Variants in NTN4 observed in about 807,000 individuals in gnomAD.
NTN4 encodes netrin-4.
A neutral mutation model predicts 73.6 loss-of-function variants in NTN4; 32 were observed. The ratio of observed to expected loss-of-function variants is 0.44; its 90% CI spans 0.33 to 0.58. The LOEUF is 0.58. NTN4 is among the 20% of genes least tolerant of loss of function. The pLI, the probability that NTN4 is intolerant of heterozygous loss-of-function variation, is 0.04. For synonymous variants in NTN4, 258 were observed against 287.5 expected, an observed-to-expected ratio of 0.90 and a Z score of 1.04; for missense variants, 654 against 798.3, an observed-to-expected ratio of 0.82 and a Z score of 2.18.
In NTN4 at chr12:95,732,224, CTCTT is replaced by C. The variant is rs201299135; in HGVS notation, c.864+5638_864+5641del. On this transcript the variant is annotated intron_variant, in intron 3 of 9. Coordinates refer to ENST00000343702, the MANE Select transcript of NTN4 (RefSeq NM_021229.4). ...AGAGCTTTCTTTTCTCTCCCTTTCTCTCTTTCTTTCTTTCTCTGTCTTTCTTTCT... is the reference window on the plus strand; with the variant it reads ...AGAGCTTTCTTTTCTCTCCCTTTCTCTCTTTCTTTCTCTGTCTTTCTTTCT... Among the ~76,000 whole-genome samples the C allele has an allele frequency of 4.8e-3, 686 of 142,110 alleles. 5 individuals carry two copies. The highest frequency in any genetic ancestry group is 0.015 in the African/African-American group (594 of 40,640). The allele number at this position is 142,110 out of a possible 152,430, so 93.2% of individuals were successfully genotyped here.
At chr12:95,699,926 G>A (rs1230703554) in intron 5 of NTN4, among the ~76,000 whole-genome samples, 2 of 152,196 alleles carry the variant, frequency 1.3e-5, no homozygotes, top group African/African-American at 2.4e-5. Context: ...TATGGAGAAA[G>A]ACTATGTAAT....
intron 2 of NTN4, among the ~76,000 whole-genome samples, chr12:95,786,434 G>A (rs2079167924): frequency 6.6e-6 from 1 of 152,184 alleles, no homozygotes; most frequent in South Asian, 2.1e-4. Flanking sequence ...GAGCCCAGAA[G>A]AACCTTTGTA....
At chr12:95,766,419 T>A (rs1318231588) in intron 2 of NTN4, among the ~76,000 whole-genome samples, 1 of 152,236 alleles carries the variant, frequency 6.6e-6, no homozygotes, top group Non-Finnish European at 1.5e-5. Context: ...TCACTGTAGA[T>A]CATTCAGCCT....
At chr12:95,669,705 G>A (rs1479503092) in intron 8 of NTN4, among the ~76,000 whole-genome samples, 2 of 152,160 alleles carry the variant, frequency 1.3e-5, no homozygotes, top group African/African-American at 2.4e-5. Context: ...CAGTATTACT[G>A]TACGACAAAC....
At chr12:95,664,002 C>T (rs144692102) in intron 9 of NTN4, among the ~76,000 whole-genome samples, 2 of 152,194 alleles carry the variant, frequency 1.3e-5, no homozygotes, top group African/African-American at 4.8e-5. Flanking sequence ...GTCCTGTATT[C>T]AAAGCTCAGG....
chr12:95,721,101 G>A (rs1346409284), intron 3 of NTN4, among the ~76,000 whole-genome samples: 2 of 152,172 alleles, frequency 1.3e-5, no homozygotes, highest in African/African-American at 4.8e-5. Flanking sequence ...CCTAAACTAT[G>A]CCATTGTAAG....
chr12:95,790,519 G>T lies in NTN4; in HGVS notation c.-210C>A, dbSNP rs1055351656. 18 of 391,230 alleles carry T rather than the reference G, an allele frequency of 4.6e-5. No individual in the cohort carries two copies. The highest frequency in any genetic ancestry group is 7.7e-5 in the Non-Finnish European group (17 of 221,910). 24.2% of individuals were successfully genotyped at this position (391,230 alleles called of 1,614,324 possible). On this transcript the variant is annotated 5_prime_UTR_variant, in exon 1 of 10. Coordinates refer to ENST00000343702, the MANE Select transcript of NTN4 (RefSeq NM_021229.4). The surrounding 1 kb of genome is among the most constrained non-coding windows in gnomAD (Gnocchi z 6.5). ...GGAGGTGGGGTGACCCTCGCGCACCGGCCTGGCGGGTCCCGGGCACCTGGG... is the reference window on the plus strand; with the variant it reads ...GGAGGTGGGGTGACCCTCGCGCACCTGCCTGGCGGGTCCCGGGCACCTGGG...
intron 1 of NTN4, 62 bp from the exon 2 acceptor site, chr12:95,787,530 C>G: frequency 6.6e-7 from 1 of 1,525,168 alleles, no homozygotes; most frequent in Non-Finnish European, 8.9e-7. Flanking sequence ...TTTTGGCCAC[C>G]TAGTCCATCA....
rs148978239 is a variant in NTN4 at position 95,770,202 on chromosome 12, A to G, written c.585+16737T>C. ...AAAGAAAAATGGCCAGAAGCAACAA[A>G]TGGGAATGAGTAAGAAAGGTGGGAT... On this transcript the variant is annotated intron_variant, in intron 2 of 9. Coordinates refer to ENST00000343702, the MANE Select transcript of NTN4 (RefSeq NM_021229.4). Among the ~76,000 whole-genome samples, 40 of 152,322 alleles carry G rather than the reference A, an allele frequency of 2.6e-4. 1 individual carries two copies. Among genetic ancestry groups the G allele is most frequent in the African/African-American group, 9.1e-4 (38 of 41,572 alleles).
At position 95,693,914 on chromosome 12, in the gene NTN4, A is replaced by G. The variant is rs949155275; in HGVS notation, c.1181-10203T>C. Among the ~76,000 whole-genome samples, 57 of 152,044 alleles carry G rather than the reference A, an allele frequency of 3.7e-4. 2 individuals are homozygous for G. Among genetic ancestry groups the G allele is most frequent in the Non-Finnish European group, 1.5e-5 (1 of 68,004 alleles). The stretch of plus-strand genomic sequence containing the variant: ...ATAAAAAGTACACAAACACAAGCAC[A>G]AGACAGGAACATAATGGAACCATTA... On this transcript the variant is annotated intron_variant, in intron 5 of 9. Transcript: ENST00000343702.
At chr12:95,754,953 G>A (rs932606447) in intron 2 of NTN4, among the ~76,000 whole-genome samples, 3 of 152,138 alleles carry the variant, frequency 2.0e-5, no homozygotes, top group Non-Finnish European at 2.9e-5. Flanking sequence ...ACAGCATCTG[G>A]TTAATTCAGT....
intron 3 of NTN4, among the ~76,000 whole-genome samples, chr12:95,716,362 G>C (rs193089063): frequency 7.2e-4 from 109 of 152,272 alleles, no homozygotes; most frequent in African/African-American, 2.5e-3. Context: ...TAAAGGAATA[G>C]TCAGGGACAA....
intron 5 of NTN4, among the ~76,000 whole-genome samples, chr12:95,688,277 A>C (rs1474938981): frequency 6.6e-6 from 1 of 152,150 alleles, no homozygotes; most frequent in Non-Finnish European, 1.5e-5. Context: ...CTTATTTTTT[A>C]AAGTTAGAAC....
chr12:95,678,266 G>A (rs999193301), intron 7 of NTN4, among the ~76,000 whole-genome samples: 6 of 149,498 alleles, frequency 4.0e-5, no homozygotes, highest in African/African-American at 1.5e-4. Flanking sequence ...ATGAGGGGTT[G>A]ATAGGTGCAG....
intron 5 of NTN4, among the ~76,000 whole-genome samples, chr12:95,684,473 A>T (rs993346044): frequency 1.1e-4 from 17 of 148,946 alleles, no homozygotes; most frequent in African/African-American, 3.9e-4. Context: ...TACTTAAAAA[A>T]AATTTTTTTT....
intron 8 of NTN4, among the ~76,000 whole-genome samples, chr12:95,668,142 TG>T (rs1036560163): frequency 2.8e-5 from 4 of 143,736 alleles, no homozygotes; most frequent in African/African-American, 5.5e-5. Flanking sequence ...GTAAGTCAAG[TG>T]TTTTTTTTTT....
intron 5 of NTN4, among the ~76,000 whole-genome samples, chr12:95,689,428 T>C (rs1310267615): frequency 1.3e-5 from 2 of 152,232 alleles, no homozygotes; most frequent in Non-Finnish European, 2.9e-5. Flanking sequence ...TCCATCTTTC[T>C]TGTTTCTTTG....
chr12:95,664,187 G>A (rs971681601), intron 9 of NTN4, among the ~76,000 whole-genome samples: 2 of 151,890 alleles, frequency 1.3e-5, no homozygotes, highest in African/African-American at 2.4e-5. Flanking sequence ...CCAAGTAGTT[G>A]GGACTACAGG....
intron 2 of NTN4, among the ~76,000 whole-genome samples, chr12:95,744,387 C>A (rs1488924441): frequency 6.6e-6 from 1 of 152,092 alleles, no homozygotes; most frequent in Non-Finnish European, 1.5e-5. Flanking sequence ...TTAGCTATAT[C>A]TTTATATTTA....
Sources: gnomAD v4.1 joint callset for allele counts (sites outside exome capture counted in the v4.1 genomes callset) on GRCh38, gnomAD v4.1.1 for gene constraint, Gnocchi (gnomAD v3.1) non-coding constraint, MANE v1.5 for transcripts, NCBI Gene and HGNC (gene_info 2026-07-23, HGNC 2026-07-21) for gene names.